The following ESAM variants were observed in gnomAD, a reference collection of about 807,000 sequenced individuals.
ESAM encodes endothelial cell-selective adhesion molecule.
A neutral mutation model predicts 31.8 loss-of-function variants in ESAM; 23 were observed. The ratio of observed to expected loss-of-function variants is 0.72; its 90% confidence interval spans 0.52 to 1.03. The LOEUF (loss-of-function observed/expected upper bound fraction) is 1.03. ESAM is among the 50% of genes least tolerant of loss of function. The probability of loss-of-function intolerance (pLI) is 0.00; values close to 1 mark genes in which losing one functional copy is unlikely to be tolerated. For synonymous variants in ESAM, 216 were observed against 207.2 expected (o/e 1.04, Z -0.37); for missense variants, 478 against 488.9 (o/e 0.98, Z 0.21).
Position 124,754,766 on chromosome 11 carries a change from G to A in ESAM, c.608-3C>T, listed in dbSNP as rs1944135912. ...GCTTAAAGACCCACGGATGACATCTGTGGACACAATTTAGCCATCAGTCCA... is the reference window on the plus strand; with the variant it reads ...GCTTAAAGACCCACGGATGACATCTATGGACACAATTTAGCCATCAGTCCA... On this transcript the variant is annotated splice_polypyrimidine_tract_variant and splice_region_variant and intron_variant, in intron 4 of 6. Transcript: ENST00000278927. The surrounding 1 kb of genome is among the most constrained non-coding windows in gnomAD (Gnocchi z 4.5). The A allele has an allele frequency of 1.6e-5, 25 of 1,609,568 alleles. No individual in the cohort carries two copies. Among genetic ancestry groups the A allele is most frequent in the Non-Finnish European group, 2.1e-5 (25 of 1,178,508 alleles).
At chr11:124,756,764 C>A (rs1406972998) in intron 2 of ESAM, 22 bp from the exon 3 acceptor site, 1 of 1,611,920 alleles carries the variant, frequency 6.2e-7, no homozygotes, top group African/African-American at 1.3e-5. Flanking sequence ...CATAACACAT[C>A]CCCGTCATTA....
At chr11:124,756,934 A>G (rs1944162547) in intron 2 of ESAM, 192 bp from the exon 3 acceptor site, 1 of 605,758 alleles carries the variant, frequency 1.7e-6, no homozygotes, top group South Asian at 2.0e-5. Flanking sequence ...CCTCTTCACC[A>G]GAACAGTTCT....
rs1944135893 is a variant in ESAM at position 124,754,764 on chromosome 11, C to T, written c.608-1G>A. ...AGGCTTAAAGACCCACGGATGACAT[C>T]TGTGGACACAATTTAGCCATCAGTC... On this transcript the variant is annotated splice_acceptor_variant, in intron 4 of 6. Transcript: ENST00000278927. LOFTEE classifies it high-confidence loss of function. The surrounding 1 kb of genome is among the most constrained non-coding windows in gnomAD (Gnocchi z 4.5). The T allele has an allele frequency of 1.2e-6, 2 of 1,609,690 alleles. No homozygotes were observed. The highest frequency in any genetic ancestry group is 8.5e-7 in the Non-Finnish European group (1 of 1,178,546).
chr11:124,756,334 GAGACGGC>G lies in ESAM; in HGVS notation c.473_479del (p.Cys158SerfsTer11). The G allele has an allele frequency of 6.2e-7, 1 of 1,609,286 alleles. No individual in the cohort carries two copies. Among genetic ancestry groups the G allele is most frequent in the South Asian group, 1.1e-5 (1 of 90,376 alleles). On this transcript the variant is annotated frameshift_variant, in exon 4 of 7. Coordinates refer to ENST00000278927, the MANE Select transcript of ESAM (RefSeq NM_138961.3). LOFTEE classifies it high-confidence loss of function. The stretch of plus-strand genomic sequence containing the variant: ...TTGCCCCCACATGGGGCACACCCTG[GAGACGGC>G]AGGATGGAGGAGCTGGAGGAACTGG...
Position 124,754,759 on chromosome 11 carries a change from G to A in ESAM, c.612C>T (p.Val204=). The part of the protein sequence containing the change: ...FQTFFAPALD[V]IRGSLSLTNL... Reference sequence around the variant, plus strand: ...TGGTGAGGCTTAAAGACCCACGGATGACATCTGTGGACACAATTTAGCCAT... The same window carrying A: ...TGGTGAGGCTTAAAGACCCACGGATAACATCTGTGGACACAATTTAGCCAT... Residue 204 remains valine, a synonymous_variant, in exon 5 of 7, where the codon GTC becomes GTT. Coordinates refer to ENST00000278927, the MANE Select transcript of ESAM (RefSeq NM_138961.3). The surrounding 1 kb of genome is among the most constrained non-coding windows in gnomAD (Gnocchi z 4.5). The A allele has an allele frequency of 6.2e-7, 1 of 1,610,136 alleles. No homozygotes were observed. The highest frequency in any genetic ancestry group is 8.5e-7 in the Non-Finnish European group (1 of 1,178,720).
Position 124,759,622 on chromosome 11 carries a change from C to T in ESAM, c.71-1095G>A, listed in dbSNP as rs555960397. On this transcript the variant is annotated intron_variant, in intron 1 of 6. Coordinates refer to ENST00000278927, the MANE Select transcript of ESAM (RefSeq NM_138961.3). The surrounding 1 kb of genome is among the most constrained non-coding windows in gnomAD (Gnocchi z 6.8). ...CCACCCTCGCCCTAGGAGAGCCAGG[C>T]TGAAGGCCTCTAAGGGCTGGGAGCC... Among the ~76,000 whole-genome samples the T allele has an allele frequency of 9.8e-5, 15 of 152,360 alleles. No individual in the cohort carries two copies. The East Asian group carries it at 2.7e-3, about 27-fold the overall frequency.
chr11:124,755,375 C>T (rs1414215695), intron 4 of ESAM, among the ~76,000 whole-genome samples: 1 of 151,364 alleles, frequency 6.6e-6, no homozygotes, highest in Non-Finnish European at 1.5e-5. Context: ...TGCACATGTA[C>T]CCTAAAACTT....
At chr11:124,755,970 AAC>A (rs1944147855) in intron 4 of ESAM, among the ~76,000 whole-genome samples, 1 of 152,222 alleles carries the variant, frequency 6.6e-6, no homozygotes, top group Non-Finnish European at 1.5e-5. Context: ...CTGGAATTTG[AAC>A]ACAGACACTC....
chr11:124,754,075 C>G lies in ESAM; in HGVS notation c.858-114G>C. On this transcript the variant is annotated intron_variant, in intron 6 of 6. Transcript: ENST00000278927. The surrounding 1 kb of genome is among the most constrained non-coding windows in gnomAD (Gnocchi z 4.5). ...GCCTGCACACTTCAGTACTCCTTTC[C>G]CTCTCCCTTAAAACCTGCCCATAGG... The G allele has an allele frequency of 6.4e-7, 1 of 1,551,912 alleles. No individual in the cohort carries two copies. Among genetic ancestry groups the G allele is most frequent in the Non-Finnish European group, 8.7e-7 (1 of 1,144,460 alleles).
rs539192608 is a variant in ESAM, at chr11:124,754,352, G to T, written c.731-12C>A. ...TGCAGCTCCAGGCCCTGGAAAAGGC[G>T]TCGTGTCAGAGGAGGACACCCAGCT... On this transcript the variant is annotated splice_polypyrimidine_tract_variant and intron_variant, in intron 5 of 6. Coordinates refer to ENST00000278927, the MANE Select transcript of ESAM (RefSeq NM_138961.3). This position sits in a 1 kb window ranked among gnomAD's most constrained non-coding sequence, Gnocchi z 4.5. 1.2e-6 allele frequency: 2 copies of T among 1,613,514 alleles called. No individual in the cohort carries two copies. Among genetic ancestry groups the T allele is most frequent in the South Asian group, 1.1e-5 (1 of 91,014 alleles).
rs1565440894 is a variant in ESAM at position 124,753,545 on chromosome 11, C to A, written c.*101G>T. 2 of 1,320,696 alleles carry A rather than the reference C, an allele frequency of 1.5e-6. No homozygotes were observed. The highest frequency in any genetic ancestry group is 1.3e-5 in the South Asian group (1 of 76,726). The allele number at this position is 1,320,696 out of a possible 1,614,324, so 81.8% of individuals were successfully genotyped here. On this transcript the variant is annotated 3_prime_UTR_variant, in exon 7 of 7. Coordinates refer to ENST00000278927, the MANE Select transcript of ESAM (RefSeq NM_138961.3). ...GAGGTGGGGGCAGAGTACTAAGGGT[C>A]AGGAGTGTGACTCTTTCCCATGACT... is the stretch of plus-strand genomic sequence containing the variant.
Position 124,754,308 on chromosome 11 carries a change from C to T in ESAM, c.763G>A (p.Val255Met). The change falls in exon 6 of 7, where the codon GTG becomes ATG. Residue 255 changes from valine to methionine, a missense_variant. Coordinates refer to ENST00000278927, the MANE Select transcript of ESAM (RefSeq NM_138961.3). This position sits in a 1 kb window ranked among gnomAD's most constrained non-coding sequence, Gnocchi z 4.5. ...AACCCCAGTCCAACCAGGGTACCCA[C>T]AACAGCTCCAGCAACCACTGCAGCT... ...PGAAVVAGAV[V>M]GTLVGLGLLA... 6.2e-7 allele frequency: 1 copy of T among 1,614,120 alleles called. No homozygotes were observed. Among genetic ancestry groups the T allele is most frequent in the Non-Finnish European group, 8.5e-7 (1 of 1,180,016 alleles).
At chr11:124,758,084 C>G (rs1468606272) in intron 2 of ESAM, among the ~76,000 whole-genome samples, 1 of 152,120 alleles carries the variant, frequency 6.6e-6, no homozygotes, top group Non-Finnish European at 1.5e-5. Context: ...CCCTCCTCCT[C>G]TCCTCCCTCA....
chr11:124,757,482 A>G (rs1042636351), intron 2 of ESAM: 4 of 152,222 alleles, frequency 2.6e-5, no homozygotes, highest in Non-Finnish European at 5.9e-5. Flanking sequence ...GGTTCTGAAC[A>G]TTGTTTCATT....
chr11:124,758,443 G>T lies in ESAM; in HGVS notation c.155C>A (p.Ala52Glu). The part of the protein sequence containing the change: ...AVEGGEVVLP[A>E]WYTLHGEVSS... ...CACCTCCCCGTGCAAGGTGTACCAC[G>T]CTGGAAGCACCACTTCCCCTCCCTC... Residue 52 changes from alanine to glutamate, a missense_variant, in exon 2 of 7, where the codon GCG becomes GAG. Transcript: ENST00000278927. 6 of 1,613,850 alleles carry T rather than the reference G, an allele frequency of 3.7e-6. No individual in the cohort carries two copies. The highest frequency in any genetic ancestry group is 5.1e-6 in the Non-Finnish European group (6 of 1,179,894).
At chr11:124,758,977 C>G (rs1944192809) in intron 1 of ESAM, among the ~76,000 whole-genome samples, 1 of 152,154 alleles carries the variant, frequency 6.6e-6, no homozygotes. Context: ...CCCTCACTCC[C>G]GAGTTCTCAA....
In ESAM at chr11:124,762,163, C is replaced by G. The variant is rs752913983; in HGVS notation, c.-9G>C. 6.2e-7 allele frequency: 1 copy of G among 1,603,664 alleles called. No individual in the cohort carries two copies. Among genetic ancestry groups the G allele is most frequent in the African/African-American group, 1.3e-5 (1 of 74,128 alleles). ...CCCGGGAGGGAAATCATGGCCCTCC[C>G]TGGCCGGGACGGAGTCAGGGGCGCC... On this transcript the variant is annotated 5_prime_UTR_variant, in exon 1 of 7. Transcript: ENST00000278927. The surrounding 1 kb of genome is among the most constrained non-coding windows in gnomAD (Gnocchi z 6.4).
In ESAM at chr11:124,753,351, TG is replaced by T. The variant is rs1944114045; in HGVS notation, c.*294del. 2 of 409,136 alleles carry T rather than the reference TG, an allele frequency of 4.9e-6. No individual in the cohort carries two copies. The highest frequency in any genetic ancestry group is 8.9e-6 in the Non-Finnish European group (2 of 225,160). 25.3% of individuals were successfully genotyped at this position (409,136 alleles called of 1,614,324 possible). ...AAGGGGGCCTGGGAGACTCAGTGAC[TG>T]GAAGTCTCTGCCCCTCACTCTTGGT... On this transcript the variant is annotated 3_prime_UTR_variant, in exon 7 of 7. Transcript: ENST00000278927.
At chr11:124,760,669 G>C (rs1331324511) in intron 1 of ESAM, among the ~76,000 whole-genome samples, 1 of 152,250 alleles carries the variant, frequency 6.6e-6, no homozygotes, top group Non-Finnish European at 1.5e-5. Flanking sequence ...TGGAACTTTT[G>C]AGTCCAGGTC....
Sources: gnomAD v4.1 joint callset for allele counts (sites outside exome capture counted in the v4.1 genomes callset) on GRCh38, gnomAD v4.1.1 for gene constraint, Gnocchi (gnomAD v3.1) non-coding constraint, MANE v1.5 for transcripts, NCBI Gene and HGNC (gene_info 2026-07-23, HGNC 2026-07-21) for gene names.